NEK11: variants seen among roughly 807,000 people sequenced by gnomAD.
NEK11 encodes NIMA related kinase 11.
NEK11 carries 72 observed loss-of-function variants against 80.7 expected under a neutral mutation model. The ratio of observed to expected loss-of-function variants is 0.89; its 90% CI spans 0.74 to 1.08. The LOEUF is 1.08. Among genes scored for constraint, NEK11 ranks in the 50% least tolerant of loss-of-function variants. NEK11 has a pLI of 0.00. For synonymous variants in NEK11, 251 were observed against 260.7 expected, an observed-to-expected ratio of 0.96 and a Z score of 0.36; for missense variants, 764 against 763.6, an observed-to-expected ratio of 1.00 and a Z score of -0.01.
At chr3:131,285,084 A>T (rs1273639632) in intron 17 of NEK11, among the ~76,000 whole-genome samples, 2 of 152,192 alleles carry the variant, frequency 1.3e-5, no homozygotes, top group African/African-American at 4.8e-5. Context: ...TGAAAATTTG[A>T]AAGCTAGCAA....
intron 3 of NEK11, among the ~76,000 whole-genome samples, chr3:131,035,456 G>A (rs1025971410): frequency 1.3e-5 from 2 of 152,174 alleles, no homozygotes; most frequent in African/African-American, 2.4e-5. Context: ...AATCTCAGAC[G>A]TCCAGCCCTG....
chr3:131,215,734 G>A (rs1350279372), intron 14 of NEK11, among the ~76,000 whole-genome samples: 1 of 152,202 alleles, frequency 6.6e-6, no homozygotes, highest in East Asian at 1.9e-4. Flanking sequence ...ACTTTCAAGG[G>A]CCAGGAGATT....
In NEK11 at chr3:131,243,423, C is replaced by T. The variant is rs1172679312; in HGVS notation, c.1561-13C>T. On this transcript the variant is annotated splice_polypyrimidine_tract_variant and intron_variant, in intron 15 of 17. Transcript: ENST00000383366. The stretch of plus-strand genomic sequence containing the variant: ...ATACAGGGAAAATAAACATTTCTCC[C>T]TTATTTTGACAGGACAGTGATATCG... 1 of 1,610,730 alleles carries T rather than the reference C, an allele frequency of 6.2e-7. No individual in the cohort carries two copies. Among genetic ancestry groups the T allele is most frequent in the Admixed American group, 1.7e-5 (1 of 59,746 alleles).
intron 5 of NEK11, among the ~76,000 whole-genome samples, chr3:131,112,141 T>C (rs1309074702): frequency 1.3e-5 from 2 of 152,174 alleles, no homozygotes; most frequent in Non-Finnish European, 2.9e-5. Flanking sequence ...AGAAGCCTTT[T>C]TTGTAATAGT....
chr3:131,035,337 G>C (rs2065483815), intron 3 of NEK11, among the ~76,000 whole-genome samples: 1 of 152,174 alleles, frequency 6.6e-6, no homozygotes, highest in South Asian at 2.1e-4. Flanking sequence ...TAGACCATAA[G>C]AGTAAGGGAG....
intron 5 of NEK11, among the ~76,000 whole-genome samples, chr3:131,124,585 G>A (rs2082964179): frequency 6.6e-6 from 1 of 152,142 alleles, no homozygotes; most frequent in African/African-American, 2.4e-5. Flanking sequence ...AGGGAGAAGA[G>A]GAGGAGAATG....
intron 4 of NEK11, among the ~76,000 whole-genome samples, chr3:131,086,903 T>C (rs2076050369): frequency 6.6e-6 from 1 of 152,208 alleles, no homozygotes; most frequent in Non-Finnish European, 1.5e-5. Context: ...GGGAAGTGTG[T>C]AGACTTTGGC....
chr3:131,179,267 G>C (rs562490235), intron 14 of NEK11, among the ~76,000 whole-genome samples: 1 of 152,172 alleles, frequency 6.6e-6, no homozygotes, highest in Non-Finnish European at 1.5e-5. Flanking sequence ...CCAGGACTGT[G>C]AGAAATAAAT....
At chr3:131,071,124 C>A (rs1341759046) in intron 3 of NEK11, among the ~76,000 whole-genome samples, 3 of 152,014 alleles carry the variant, frequency 2.0e-5, no homozygotes, top group African/African-American at 7.2e-5. Flanking sequence ...CCTTTTTTTT[C>A]AGGTATGAAT....
chr3:131,149,860 A>C (rs1470149442), intron 7 of NEK11, among the ~76,000 whole-genome samples: 2 of 151,582 alleles, frequency 1.3e-5, no homozygotes, highest in East Asian at 1.9e-4. Flanking sequence ...TCTCTTTTAA[A>C]ATTTATTTCC....
intron 10 of NEK11, among the ~76,000 whole-genome samples, chr3:131,159,156 T>A (rs371037187): frequency 6.6e-6 from 1 of 152,170 alleles, no homozygotes; most frequent in Non-Finnish European, 1.5e-5. Flanking sequence ...TCTTCAAAGA[T>A]TGAAGGAACT....
At chr3:131,207,076 T>C (rs2094462166) in intron 14 of NEK11, among the ~76,000 whole-genome samples, 2 of 152,216 alleles carry the variant, frequency 1.3e-5, no homozygotes, top group African/African-American at 4.8e-5. Context: ...TTGATGGACA[T>C]TTGGGTTGGT....
At chr3:131,091,322 G>T (rs1310912425) in intron 4 of NEK11, among the ~76,000 whole-genome samples, 1 of 152,120 alleles carries the variant, frequency 6.6e-6, no homozygotes. Flanking sequence ...TCACTTTGAG[G>T]CCTGTTATTG....
chr3:131,230,986 A>G (rs2095318386), intron 15 of NEK11, among the ~76,000 whole-genome samples: 1 of 152,138 alleles, frequency 6.6e-6, no homozygotes, highest in Non-Finnish European at 1.5e-5. Context: ...GCCTGCAGCC[A>G]GGTAAGACAT....
chr3:131,033,486 T>A (rs1302040690), intron 3 of NEK11, among the ~76,000 whole-genome samples: 1 of 152,202 alleles, frequency 6.6e-6, no homozygotes, highest in Non-Finnish European at 1.5e-5. Flanking sequence ...GACTATCCCT[T>A]GGTATCAGTG....
At chr3:131,212,379 G>T (rs879066017) in intron 14 of NEK11, among the ~76,000 whole-genome samples, 1 of 152,152 alleles carries the variant, frequency 6.6e-6, no homozygotes, top group Non-Finnish European at 1.5e-5. Context: ...AGGGGCACCC[G>T]GCTGTATGAC....
chr3:131,044,286 TA>T (rs1295607834), intron 3 of NEK11, among the ~76,000 whole-genome samples: 1 of 152,014 alleles, frequency 6.6e-6, no homozygotes, highest in Non-Finnish European at 1.5e-5. Context: ...ATGCCCCAAT[TA>T]AAAGGCACAG....
At chr3:131,211,451 G>A (rs1454502313) in intron 14 of NEK11, among the ~76,000 whole-genome samples, 1 of 152,078 alleles carries the variant, frequency 6.6e-6, no homozygotes, top group Non-Finnish European at 1.5e-5. Flanking sequence ...GTGTCTTGGG[G>A]TTGCTCTTCT....
At chr3:131,164,461 C>G (rs2092001540) in intron 11 of NEK11, among the ~76,000 whole-genome samples, 1 of 152,192 alleles carries the variant, frequency 6.6e-6, no homozygotes, top group African/African-American at 2.4e-5. Context: ...AGCCCCAAAT[C>G]TGTTCGTAAT....
Sources: gnomAD v4.1 joint callset for allele counts (sites outside exome capture counted in the v4.1 genomes callset) on GRCh38, gnomAD v4.1.1 for gene constraint, MANE v1.5 for transcripts, NCBI Gene and HGNC (gene_info 2026-07-23, HGNC 2026-07-21) for gene names.